Variants in TBC1D1 observed in about 807,000 individuals in gnomAD.
TBC1D1 encodes TBC1 domain family member 1.
TBC1D1 carries 89 observed loss-of-function variants against 125.6 expected under a neutral mutation model. The observed-to-expected ratio is 0.71, with a 90% CI of 0.60 to 0.85. The LOEUF (loss-of-function observed/expected upper bound fraction) is 0.85. TBC1D1 is among the 40% of genes least tolerant of loss of function. TBC1D1 has a pLI of 0.00. For synonymous variants in TBC1D1, 565 were observed against 564.1 expected (o/e 1.00, Z -0.02); for missense variants, 1,377 against 1,469.2 (o/e 0.94, Z 1.03).
In TBC1D1 at chr4:37,995,842, A is replaced by C. The variant is rs1737689412; in HGVS notation, c.418-18667A>C. ...GTCTTGGGGATCAGGTGCTGGATCC[A>C]TGTGATCACCAGAATGCATTTCTCT... On this transcript the variant is annotated intron_variant, in intron 2 of 19. Coordinates refer to ENST00000261439, the MANE Select transcript of TBC1D1 (RefSeq NM_015173.4). The surrounding 1 kb of genome is among the most constrained non-coding windows in gnomAD (Gnocchi z 4.3). 1.8e-6 allele frequency: 1 copy of C among 570,956 alleles called. No individual in the cohort carries two copies. Among genetic ancestry groups the C allele is most frequent in the South Asian group, 1.4e-5 (1 of 72,292 alleles). The allele number at this position is 570,956 out of a possible 1,614,324, so 35.4% of individuals were successfully genotyped here.
chr4:38,000,175 A>G (rs911583208), intron 2 of TBC1D1, among the ~76,000 whole-genome samples: 32 of 152,314 alleles, frequency 2.1e-4, no homozygotes, highest in African/African-American at 7.7e-4. Context: ...CATATATGCA[A>G]TACATATGCA....
intron 8 of TBC1D1, among the ~76,000 whole-genome samples, chr4:38,040,249 G>T (rs901182598): frequency 1.3e-5 from 2 of 152,110 alleles, no homozygotes; most frequent in Non-Finnish European, 2.9e-5. Context: ...ACTAACTGAT[G>T]CTGCTTGCTT....
intron 2 of TBC1D1, among the ~76,000 whole-genome samples, chr4:37,957,561 G>A (rs2152327413): frequency 6.6e-6 from 1 of 152,320 alleles, no homozygotes; most frequent in East Asian, 1.9e-4. Flanking sequence ...CGAGGCTACA[G>A]TGAGCTATGA....
intron 1 of TBC1D1, among the ~76,000 whole-genome samples, chr4:37,891,854 T>C (rs1242877490): frequency 2.0e-5 from 3 of 152,098 alleles, no homozygotes; most frequent in East Asian, 3.9e-4. Flanking sequence ...TCATTGTTTC[T>C]AGCCGCTTCC....
chr4:38,085,550 G>A (rs1182088443), intron 12 of TBC1D1, among the ~76,000 whole-genome samples: 2 of 152,020 alleles, frequency 1.3e-5, no homozygotes, highest in Non-Finnish European at 2.9e-5. Context: ...TTCCCAAGAG[G>A]CACCAACACA....
chr4:37,941,266 C>G lies in TBC1D1; in HGVS notation c.417+38754C>G, dbSNP rs565737725. 1.6e-4 allele frequency among the ~76,000 whole-genome samples: 24 copies of G among 152,194 alleles called. No homozygotes were observed. In the South Asian group the frequency reaches 4.8e-3, roughly 30 times the overall value. ...TTTAGTCTTGGGAGAGTGTATGTGTCGAGGAATTTATCCATTTCTTCTAGA... is the reference window on the plus strand; with the variant it reads ...TTTAGTCTTGGGAGAGTGTATGTGTGGAGGAATTTATCCATTTCTTCTAGA... On this transcript the variant is annotated intron_variant, in intron 2 of 19. Transcript: ENST00000261439.
chr4:38,060,070 G>T (rs1752486795), intron 12 of TBC1D1, among the ~76,000 whole-genome samples: 2 of 152,148 alleles, frequency 1.3e-5, no homozygotes, highest in Admixed American at 1.3e-4. Context: ...CATTTTTATG[G>T]CTGCATAGTA....
chr4:37,921,154 C>T (rs1720901315), intron 2 of TBC1D1, among the ~76,000 whole-genome samples: 1 of 136,536 alleles, frequency 7.3e-6, no homozygotes, highest in East Asian at 2.1e-4. Context: ...CAAACGACAA[C>T]AGTGTCAAGA....
chr4:37,943,720 CT>C (rs1314052188), intron 2 of TBC1D1, among the ~76,000 whole-genome samples: 1 of 152,204 alleles, frequency 6.6e-6, no homozygotes, highest in Non-Finnish European at 1.5e-5. Flanking sequence ...ACTGGTTATT[CT>C]AGTTAGCCAT....
At chr4:38,083,493 A>G (rs1380327200) in intron 12 of TBC1D1, among the ~76,000 whole-genome samples, 2 of 152,256 alleles carry the variant, frequency 1.3e-5, no homozygotes, top group East Asian at 1.9e-4. Context: ...CACTTTCCAC[A>G]AAAACTGACA....
chr4:37,924,066 A>G (rs1721578442), intron 2 of TBC1D1, among the ~76,000 whole-genome samples: 1 of 152,124 alleles, frequency 6.6e-6, no homozygotes, highest in Non-Finnish European at 1.5e-5. Context: ...AATTTGCTTC[A>G]GACCCAGTCG....
chr4:38,062,531 T>TA, intron 12 of TBC1D1, among the ~76,000 whole-genome samples: 1 of 152,284 alleles, frequency 6.6e-6, no homozygotes, highest in Non-Finnish European at 1.5e-5. Flanking sequence ...AGGTTCAAGA[T>TA]AAAATATTGC....
intron 1 of TBC1D1, among the ~76,000 whole-genome samples, chr4:37,894,640 A>G (rs1481367379): frequency 1.3e-5 from 2 of 152,202 alleles, no homozygotes; most frequent in East Asian, 1.9e-4. Context: ...TAGTGAATTT[A>G]TACATGCAAA....
intron 17 of TBC1D1, among the ~76,000 whole-genome samples, chr4:38,124,605 TA>T (rs2152612003): frequency 1.3e-5 from 2 of 152,346 alleles, no homozygotes; most frequent in African/African-American, 4.8e-5. Flanking sequence ...GCTTTATCTA[TA>T]AAAATCTTTT....
At chr4:38,110,073 G>A (rs1341229994) in intron 15 of TBC1D1, 2 of 271,610 alleles carry the variant, frequency 7.4e-6, no homozygotes, top group Non-Finnish European at 1.1e-5. Flanking sequence ...AGACTGAATA[G>A]CTTTGTGGGT....
intron 2 of TBC1D1, among the ~76,000 whole-genome samples, chr4:38,009,691 C>A (rs1467043641): frequency 1.3e-5 from 2 of 152,190 alleles, no homozygotes; most frequent in African/African-American, 4.8e-5. Context: ...TCATACATTA[C>A]TGTGCATTTG....
chr4:38,001,116 A>G (rs1477906845), intron 2 of TBC1D1, among the ~76,000 whole-genome samples: 1 of 152,082 alleles, frequency 6.6e-6, no homozygotes, highest in Non-Finnish European at 1.5e-5. Flanking sequence ...GCTAATCGGG[A>G]GGCTGAGGCA....
At chr4:37,987,349 C>T (rs1479195776) in intron 2 of TBC1D1, among the ~76,000 whole-genome samples, 2 of 151,656 alleles carry the variant, frequency 1.3e-5, no homozygotes, top group Non-Finnish European at 2.9e-5. Context: ...AGGCTAGGTA[C>T]CGTGTCCTAG....
At chr4:38,104,603 T>G (rs1320635502) in intron 15 of TBC1D1, among the ~76,000 whole-genome samples, 1 of 152,190 alleles carries the variant, frequency 6.6e-6, no homozygotes, top group East Asian at 1.9e-4. Flanking sequence ...CACACAGTGC[T>G]TTGGGGCCCT....
Sources: allele counts gnomAD v4.1 joint callset (sites outside exome capture counted in the v4.1 genomes callset), GRCh38; gene constraint gnomAD v4.1.1; non-coding constraint Gnocchi (gnomAD v3.1); transcripts MANE v1.5; gene names NCBI Gene and HGNC (gene_info 2026-07-23, HGNC 2026-07-21).